ALG12: variants seen among roughly 807,000 people sequenced by gnomAD.
ALG12 encodes the protein ALG12 alpha-1,6-mannosyltransferase, also known as dol-P-Man:Man(7)GlcNAc(2)-PP-Dol alpha-1,6-mannosyltransferase.
In ALG12, 36 loss-of-function variants were observed where a neutral mutation model predicts 46.0. That is an observed-to-expected ratio of 0.78 (90% CI 0.60 to 1.03). The LOEUF is 1.03. Among genes scored for constraint, ALG12 ranks in the 50% least tolerant of loss-of-function variants. The probability of loss-of-function intolerance (pLI) is 0.00; values close to 1 mark genes in which losing one functional copy is unlikely to be tolerated. For synonymous variants in ALG12, 326 were observed against 291.6 expected (o/e 1.12, Z -1.20); for missense variants, 599 against 633.5 (o/e 0.95, Z 0.58).
chr22:49,864,515 G>T, the ALG12 span, among the ~76,000 whole-genome samples: 1 of 152,260 alleles, frequency 6.6e-6, no homozygotes, highest in East Asian at 1.9e-4. Flanking sequence ...AGTCGAAAAT[G>T]CACTTAATAC....
the ALG12 span, among the ~76,000 whole-genome samples, chr22:49,867,570 C>T: frequency 6.6e-6 from 1 of 152,334 alleles, no homozygotes; most frequent in South Asian, 2.1e-4. Context: ...GGACCTTGGA[C>T]CCTGACCCTC....
At chr22:49,885,386 C>T in the ALG12 span, 13 of 1,596,396 alleles carry the variant, frequency 8.1e-6, no homozygotes, top group Non-Finnish European at 8.6e-6. Flanking sequence ...GCAGACTCCA[C>T]AAAAGTCGTG....
chr22:49,871,777 C>CA, the ALG12 span, among the ~76,000 whole-genome samples: 2 of 142,674 alleles, frequency 1.4e-5, no homozygotes, highest in South Asian at 4.9e-4. Context: ...TTTTTTGAGA[C>CA]AGAGTCTTAC....
At chr22:49,861,190 G>A in the ALG12 span, among the ~76,000 whole-genome samples, 1 of 152,230 alleles carries the variant, frequency 6.6e-6, no homozygotes, top group South Asian at 2.1e-4. Flanking sequence ...CACTGTGTGT[G>A]TCTGGTTTTT....
chr22:49,877,331 G>T, the ALG12 span, among the ~76,000 whole-genome samples: 9 of 151,032 alleles, frequency 6.0e-5, no homozygotes, highest in African/African-American at 2.2e-4. Context: ...TTGCTCTGTC[G>T]CCCAGGCTGG....
chr22:49,884,150 G>A, the ALG12 span: 5 of 1,613,664 alleles, frequency 3.1e-6, no homozygotes, highest in Admixed American at 1.7e-5. Flanking sequence ...CACGTGAGGC[G>A]CGCACACCCG....
chr22:49,862,679 T>G, the ALG12 span, among the ~76,000 whole-genome samples: 1 of 149,988 alleles, frequency 6.7e-6, no homozygotes, highest in Admixed American at 6.8e-5. Flanking sequence ...CTCTAAATAT[T>G]AGTTAAGTTT....
the ALG12 span, chr22:49,883,699 G>A: frequency 2.9e-5 from 46 of 1,601,424 alleles, no homozygotes; most frequent in Admixed American, 4.1e-4. Context: ...CAAAGAGGAC[G>A]GTGATTTCGT....
the ALG12 span, among the ~76,000 whole-genome samples, chr22:49,880,167 C>G: frequency 6.6e-6 from 1 of 152,136 alleles, no homozygotes; most frequent in South Asian, 2.1e-4. Flanking sequence ...CCTAACACGG[C>G]TTAAAAGAGC....
At chr22:49,892,681 C>T in the ALG12 span, among the ~76,000 whole-genome samples, 2 of 152,192 alleles carry the variant, frequency 1.3e-5, no homozygotes, top group Non-Finnish European at 2.9e-5. Flanking sequence ...TGGAGAGGGA[C>T]CAACCCTCAC....
At chr22:49,872,354 G>A in the ALG12 span, among the ~76,000 whole-genome samples, 2 of 152,116 alleles carry the variant, frequency 1.3e-5, no homozygotes, top group Admixed American at 6.6e-5. Flanking sequence ...CAATTCCGCC[G>A]TATCTTTGGG....
At chr22:49,907,995 G>T in intron 6 of ALG12, 51 bp from the exon 7 acceptor site, 1 of 1,580,520 alleles carries the variant, frequency 6.3e-7, no homozygotes, top group Non-Finnish European at 8.6e-7. Context: ...TGAGCCCGTG[G>T]GCTAGGTGGC....
the ALG12 span, among the ~76,000 whole-genome samples, chr22:49,869,772 G>A: frequency 1.3e-5 from 2 of 152,134 alleles, no homozygotes; most frequent in African/African-American, 2.4e-5. Flanking sequence ...CATTTCATCT[G>A]TGTCCTCCAC....
the ALG12 span, among the ~76,000 whole-genome samples, chr22:49,878,235 G>C: frequency 1.3e-5 from 2 of 151,298 alleles, no homozygotes; most frequent in African/African-American, 4.9e-5. Context: ...AACCCGGGAG[G>C]CGGAGGTTAC....
the ALG12 span, among the ~76,000 whole-genome samples, chr22:49,881,771 G>C: frequency 2.0e-5 from 3 of 152,026 alleles, no homozygotes; most frequent in Non-Finnish European, 4.4e-5. Flanking sequence ...GGTTTCAAGC[G>C]ATCCTCCCAC....
the ALG12 span, among the ~76,000 whole-genome samples, chr22:49,879,196 C>G: frequency 6.6e-6 from 1 of 151,072 alleles, no homozygotes; most frequent in African/African-American, 2.4e-5. Flanking sequence ...GCAATCTCGG[C>G]TCACTGTAAC....
intron 1 of ALG12, 80 bp from the exon 2 acceptor site, chr22:49,913,923 C>A: frequency 1.1e-6 from 1 of 888,890 alleles, no homozygotes; most frequent in East Asian, 2.6e-5. Flanking sequence ...AAAGGGTTAG[C>A]AGAATTCTCT....
At chr22:49,868,068 C>T in the ALG12 span, among the ~76,000 whole-genome samples, 2 of 152,288 alleles carry the variant, frequency 1.3e-5, no homozygotes, top group Admixed American at 6.5e-5. Flanking sequence ...GTTGCAGGTT[C>T]GTAGGTTGAA....
At chr22:49,891,335 C>T in the ALG12 span, among the ~76,000 whole-genome samples, 2 of 152,240 alleles carry the variant, frequency 1.3e-5, no homozygotes, top group Admixed American at 6.5e-5. Flanking sequence ...ACGGTTTTGG[C>T]ACCCATCGAG....
Sources: gnomAD v4.1 joint callset for allele counts (sites outside exome capture counted in the v4.1 genomes callset) on GRCh38, gnomAD v4.1.1 for gene constraint, MANE v1.5 for transcripts, NCBI Gene and HGNC (gene_info 2026-07-23, HGNC 2026-07-21) for gene names.